Variants in KLHL32 observed in about 807,000 individuals in gnomAD.
KLHL32 encodes kelch like family member 32.
In KLHL32, 35 loss-of-function variants were observed where a neutral mutation model predicts 64.8. That is an observed-to-expected ratio of 0.54 (90% CI 0.41 to 0.72). The LOEUF (loss-of-function observed/expected upper bound fraction) is 0.72, where lower values mean the gene tolerates loss of function less well. Among genes scored for constraint, KLHL32 ranks in the 30% least tolerant of loss-of-function variants. KLHL32 has a pLI of 0.00. For missense variants in KLHL32, 589 were observed against 768.5 expected, an observed-to-expected ratio of 0.77 and a Z score of 2.76; for synonymous variants, 259 against 281.0, an observed-to-expected ratio of 0.92 and a Z score of 0.78.
intron 1 of KLHL32, among the ~76,000 whole-genome samples, chr6:96,927,022 A>T (rs2127986339): frequency 6.6e-6 from 1 of 152,342 alleles, no homozygotes; most frequent in Middle Eastern, 3.4e-3. Context: ...TTATTTCAAT[A>T]TTAAAGTCTA....
chr6:97,113,830 C>T lies in KLHL32; in HGVS notation c.675C>T (p.Asp225=), dbSNP rs151067312. 28 of 1,613,994 alleles carry T rather than the reference C, an allele frequency of 1.7e-5. No individual in the cohort carries two copies. The highest frequency in any genetic ancestry group is 1.6e-4 in the Middle Eastern group (1 of 6,084). The change falls in exon 7 of 11, where the codon GAC becomes GAT. Residue 225 remains aspartate, a synonymous_variant. Coordinates refer to ENST00000369261, the MANE Select transcript of KLHL32 (RefSeq NM_052904.4). ...LEHNCHYQYM[D]ELLQYIRFGL... ...ACAACTGCCACTACCAGTACATGGA[C>T]GAGCTCCTGCAATACATCCGCTTTG...
At chr6:96,949,436 T>C (rs1471731615) in intron 1 of KLHL32, among the ~76,000 whole-genome samples, 1 of 152,216 alleles carries the variant, frequency 6.6e-6, no homozygotes, top group African/African-American at 2.4e-5. Flanking sequence ...TCATTTCTAA[T>C]GTTGCCACCA....
chr6:97,099,407 A>G lies in KLHL32; in HGVS notation c.627+14066A>G, dbSNP rs553946349. ...TCACCTTGCTCTTCCTCCTAATCTG[A>G]TAAAGAATGTTTCAGACCTGTGATT... On this transcript the variant is annotated intron_variant, in intron 6 of 10. Coordinates refer to ENST00000369261, the MANE Select transcript of KLHL32 (RefSeq NM_052904.4). Among the ~76,000 whole-genome samples the G allele has an allele frequency of 4.6e-5, 7 of 152,214 alleles. No homozygotes were observed. The East Asian group carries it at 1.4e-3, about 29-fold the overall frequency.
Position 97,030,812 on chromosome 6 carries a change from A to G in KLHL32, c.205-10680A>G, listed in dbSNP as rs552200843. ...GGTATCTAAAACACCTTACATGCAGAACATTTCTGTTACATAGAATGAATT... is the reference window on the plus strand; with the variant it reads ...GGTATCTAAAACACCTTACATGCAGGACATTTCTGTTACATAGAATGAATT... On this transcript the variant is annotated intron_variant, in intron 3 of 10. Coordinates refer to ENST00000369261, the MANE Select transcript of KLHL32 (RefSeq NM_052904.4). 9.8e-5 allele frequency among the ~76,000 whole-genome samples: 15 copies of G among 152,304 alleles called. 1 individual carries two copies. In the South Asian group the frequency reaches 3.1e-3, roughly 32 times the overall value.
At chr6:97,007,123 A>G (rs1779766245) in intron 3 of KLHL32, among the ~76,000 whole-genome samples, 1 of 152,030 alleles carries the variant, frequency 6.6e-6, no homozygotes. Context: ...TCTTTTAGGG[A>G]TGCTAATGAA....
At chr6:96,992,014 G>T (rs1387460999) in intron 3 of KLHL32, among the ~76,000 whole-genome samples, 1 of 152,218 alleles carries the variant, frequency 6.6e-6, no homozygotes. Flanking sequence ...CGGCCTGCCT[G>T]CGACCCGAGA....
intron 3 of KLHL32, among the ~76,000 whole-genome samples, chr6:96,988,569 A>G (rs1278002504): frequency 4.6e-5 from 7 of 152,132 alleles, no homozygotes; most frequent in Admixed American, 2.6e-4. Context: ...ATCTAGAACT[A>G]GAAATACCAT....
chr6:97,059,359 T>A (rs1788506327), intron 4 of KLHL32, among the ~76,000 whole-genome samples: 3 of 152,172 alleles, frequency 2.0e-5, no homozygotes, highest in African/African-American at 4.8e-5. Context: ...TAACAGCAGG[T>A]TGGGGCTACA....
intron 3 of KLHL32, among the ~76,000 whole-genome samples, chr6:96,982,415 A>T (rs1416658744): frequency 6.6e-6 from 1 of 151,994 alleles, no homozygotes; most frequent in East Asian, 1.9e-4. Flanking sequence ...ATTTTTCTTT[A>T]TCCCTTTACA....
chr6:96,992,461 C>T (rs998734197), intron 3 of KLHL32, among the ~76,000 whole-genome samples: 9 of 152,376 alleles, frequency 5.9e-5, no homozygotes, highest in Middle Eastern at 3.4e-3. Flanking sequence ...TCACTACTCT[C>T]TTCTCTCTCT....
At chr6:97,138,437 G>T (rs772630079) in intron 10 of KLHL32, among the ~76,000 whole-genome samples, 12 of 152,094 alleles carry the variant, frequency 7.9e-5, no homozygotes, top group African/African-American at 1.4e-4. Flanking sequence ...CACTCAGGAG[G>T]GTGAGGCAGG....
At chr6:96,957,161 C>T (rs918885895) in intron 1 of KLHL32, among the ~76,000 whole-genome samples, 4 of 152,054 alleles carry the variant, frequency 2.6e-5, no homozygotes, top group South Asian at 4.1e-4. Flanking sequence ...ATGTATTAAG[C>T]GCTTAGCACA....
intron 3 of KLHL32, among the ~76,000 whole-genome samples, chr6:96,997,468 C>T (rs1036235951): frequency 6.6e-6 from 1 of 152,108 alleles, no homozygotes; most frequent in Non-Finnish European, 1.5e-5. Flanking sequence ...TTGAAGGTGG[C>T]CAGGCATGGT....
intron 10 of KLHL32, among the ~76,000 whole-genome samples, chr6:97,134,350 T>C (rs1232568802): frequency 6.6e-6 from 1 of 152,252 alleles, no homozygotes; most frequent in Non-Finnish European, 1.5e-5. Flanking sequence ...AGTTAGTTAA[T>C]GGAAAGCTGC....
In KLHL32 at chr6:97,058,674, A is replaced by G. The variant is rs117737534; in HGVS notation, c.313-5954A>G. On this transcript the variant is annotated intron_variant, in intron 4 of 10. Transcript: ENST00000369261. ...AAATCTATTGTTTTTCTGATAAACA[A>G]TGCCAGACTCAGCTGGCAAATGTTT... 4.1e-3 allele frequency among the ~76,000 whole-genome samples: 620 copies of G among 152,324 alleles called. 2 individuals are homozygous for G. The highest frequency in any genetic ancestry group is 7.2e-3 in the Non-Finnish European group (488 of 68,018).
chr6:97,030,119 C>T (rs573868397), intron 3 of KLHL32, among the ~76,000 whole-genome samples: 25 of 152,252 alleles, frequency 1.6e-4, no homozygotes, highest in African/African-American at 5.8e-4. Flanking sequence ...AAATGGGAGT[C>T]GCAGTGGTTT....
At chr6:97,067,587 T>TATTGG (rs1790001876) in intron 5 of KLHL32, among the ~76,000 whole-genome samples, 4 of 152,078 alleles carry the variant, frequency 2.6e-5, no homozygotes, top group Admixed American at 1.3e-4. Context: ...GGGAACCACA[T>TATTGG]ATATTGAGGG....
chr6:96,927,885 T>C (rs780099017), intron 1 of KLHL32, among the ~76,000 whole-genome samples: 2 of 152,204 alleles, frequency 1.3e-5, no homozygotes, highest in Non-Finnish European at 2.9e-5. Flanking sequence ...CTTTTCGAGC[T>C]CTTCTGTGAG....
chr6:96,914,454 T>C, the KLHL32 span, among the ~76,000 whole-genome samples: 1 of 152,108 alleles, frequency 6.6e-6, no homozygotes, highest in Non-Finnish European at 1.5e-5. Flanking sequence ...GTAATTGCAT[T>C]TGATGTTGCT....
Sources: allele counts gnomAD v4.1 joint callset (sites outside exome capture counted in the v4.1 genomes callset), GRCh38; gene constraint gnomAD v4.1.1; transcripts MANE v1.5; gene names NCBI Gene and HGNC (gene_info 2026-07-23, HGNC 2026-07-21).